Variants in NDRG1 observed in about 807,000 individuals in gnomAD.
The protein encoded by NDRG1 is N-myc downstream regulated 1.
A neutral mutation model predicts 56.9 loss-of-function variants in NDRG1; 32 were observed. The observed-to-expected ratio is 0.56, with a 90% CI of 0.42 to 0.76. NDRG1 has a LOEUF of 0.76. Ranked by LOEUF, NDRG1 falls within the 30% of genes least tolerant of loss-of-function variation. NDRG1 has a pLI of 0.00. For missense variants in NDRG1, 507 were observed against 545.7 expected (o/e 0.93, Z 0.71); for synonymous variants, 211 against 204.1 (o/e 1.03, Z -0.29).
intron 10 of NDRG1, among the ~76,000 whole-genome samples, chr8:133,249,018 G>C (rs1855861470): frequency 6.6e-6 from 1 of 152,140 alleles, no homozygotes; most frequent in Non-Finnish European, 1.5e-5. Flanking sequence ...AAATATTTGT[G>C]GGGCTTTTTT....
intron 1 of NDRG1, among the ~76,000 whole-genome samples, chr8:133,286,287 TGGAAAAC>T (rs1858109628): frequency 6.6e-6 from 1 of 152,214 alleles, no homozygotes; most frequent in Non-Finnish European, 1.5e-5. Flanking sequence ...GTGCAATGTC[TGGAAAAC>T]AAATTCTACA....
At chr8:133,244,428 A>G (rs778004549) in intron 13 of NDRG1, 38 bp from the exon 14 acceptor site, 3 of 1,613,870 alleles carry the variant, frequency 1.9e-6, no homozygotes, top group Non-Finnish European at 2.5e-6. Context: ...CAAACACCAC[A>G]GCCAAGGCCC....
chr8:133,244,297 GCA>G, intron 14 of NDRG1, 56 bp downstream of exon 14: 1 of 1,596,976 alleles, frequency 6.3e-7, no homozygotes, highest in South Asian at 1.1e-5. Context: ...AGAGGCACAT[GCA>G]CTCCACCCAG....
chr8:133,242,707 A>G (rs1405215519), intron 14 of NDRG1, among the ~76,000 whole-genome samples: 2 of 124,188 alleles, frequency 1.6e-5, no homozygotes, highest in East Asian at 4.9e-4. Context: ...GGATGGATGG[A>G]AAGAAGGAAG....
chr8:133,250,583 G>A (rs917875550), intron 9 of NDRG1, 40 bp from the exon 10 acceptor site: 4 of 1,532,448 alleles, frequency 2.6e-6, no homozygotes, highest in East Asian at 2.3e-5. Flanking sequence ...TCATCGCACT[G>A]TGGCCCTGAG....
At chr8:133,251,657 A>G (rs1251177252) in intron 9 of NDRG1, among the ~76,000 whole-genome samples, 2 of 152,218 alleles carry the variant, frequency 1.3e-5, no homozygotes, top group Non-Finnish European at 2.9e-5. Flanking sequence ...AATGTGTCAC[A>G]CGCTGTGGAA....
chr8:133,259,101 G>A lies in NDRG1; in HGVS notation c.389+67C>T, dbSNP rs1040788757. 21 of 1,541,372 alleles carry A rather than the reference G, an allele frequency of 1.4e-5. 1 individual carries two copies. The South Asian group carries it at 2.3e-4, about 17-fold the overall frequency. The stretch of plus-strand genomic sequence containing the variant: ...AGTGGTCAGTCCAGATCAAAGCCAA[G>A]GGGCAGGAAGATGCTAGAAACCAGG... On this transcript the variant is annotated intron_variant, in intron 6 of 15. Coordinates refer to ENST00000323851, the MANE Select transcript of NDRG1 (RefSeq NM_006096.4).
At chr8:133,254,194 G>A (rs760282628) in intron 9 of NDRG1, among the ~76,000 whole-genome samples, 10 of 152,190 alleles carry the variant, frequency 6.6e-5, no homozygotes, top group Non-Finnish European at 8.8e-5. Flanking sequence ...GGAGGGAGAG[G>A]AGGACTATCA....
chr8:133,238,933 T>G lies in NDRG1; in HGVS notation c.1130A>C (p.Asn377Thr). 6.4e-7 allele frequency: 1 copy of G among 1,567,040 alleles called. No individual in the cohort carries two copies. Among genetic ancestry groups the G allele is most frequent in the Non-Finnish European group, 8.6e-7 (1 of 1,156,850 alleles). ...SEGAHLDITP[N>T]SGAAGNSAGP... ...GGCGCTGTTCCCAGCAGCACCCGAG[T>G]TGGGGGTGATGTCCAGGTGGGCCCC... Residue 377 changes from asparagine to threonine, a missense_variant, in exon 16 of 16, where the codon AAC (asparagine) becomes ACC (threonine). Asn to Thr is a moderately conservative substitution (Grantham distance 65, BLOSUM62 0). Coordinates refer to ENST00000323851, the MANE Select transcript of NDRG1 (RefSeq NM_006096.4).
Position 133,238,570 on chromosome 8 carries a change from G to T in NDRG1, c.*308C>A. On this transcript the variant is annotated 3_prime_UTR_variant, in exon 16 of 16. Coordinates refer to ENST00000323851, the MANE Select transcript of NDRG1 (RefSeq NM_006096.4). ...GGCTTTGTGAAGTGTGTGCTGCTAC[G>T]CGTCTTGTTTTTGGCAGTTTGGTGT... 7 of 475,824 alleles carry T rather than the reference G, an allele frequency of 1.5e-5. No homozygotes were observed. Among genetic ancestry groups the T allele is most frequent in the Non-Finnish European group, 2.3e-5 (6 of 266,328 alleles). 29.5% of individuals were successfully genotyped at this position (475,824 alleles called of 1,614,324 possible). A position where few individuals can be genotyped will look rare whatever the true frequency, so the allele number is the denominator to read the frequency against.
chr8:133,276,589 T>C (rs896457954), intron 3 of NDRG1, among the ~76,000 whole-genome samples: 1 of 152,154 alleles, frequency 6.6e-6, no homozygotes, highest in African/African-American at 2.4e-5. Flanking sequence ...ATCTCATGGT[T>C]TTATAAAGAG....
At chr8:133,268,716 T>G (rs1857038853) in intron 3 of NDRG1, among the ~76,000 whole-genome samples, 1 of 152,106 alleles carries the variant, frequency 6.6e-6, no homozygotes, top group African/African-American at 2.4e-5. Context: ...ATTCGAACTC[T>G]CTCCGCTGGG....
At position 133,284,253 on chromosome 8, in the gene NDRG1, C is replaced by T. The variant is rs764493381; in HGVS notation, c.59G>A (p.Gly20Glu). Reference sequence around the variant, plus strand: ...GCCAGGAAGATCTCCACTCACCTCCCCTTTCTCCACCAAAGGCTTCACCTC... The same window carrying T: ...GCCAGGAAGATCTCCACTCACCTCCTCTTTCTCCACCAAAGGCTTCACCTC... ...LAEVKPLVEK[G>E]ETITGLLQEF... Residue 20 changes from glycine (G) to glutamate (E), a missense_variant, in exon 2 of 16, where the codon GGG becomes GAG. Transcript: ENST00000323851. 6.2e-7 allele frequency: 1 copy of T among 1,614,172 alleles called. No individual in the cohort carries two copies.
intron 8 of NDRG1, chr8:133,255,622 C>G: frequency 3.0e-6 from 1 of 337,618 alleles, no homozygotes; most frequent in South Asian, 2.3e-5. Flanking sequence ...TGTTCCACTC[C>G]AGAACGTCAT....
chr8:133,246,244 A>C (rs1433431994), intron 13 of NDRG1, among the ~76,000 whole-genome samples: 1 of 152,230 alleles, frequency 6.6e-6, no homozygotes, highest in Admixed American at 6.5e-5. Flanking sequence ...CTTGCTGGAC[A>C]AAGTCCTGAC....
chr8:133,244,076 G>A (rs1170707555), intron 14 of NDRG1, among the ~76,000 whole-genome samples: 1 of 152,140 alleles, frequency 6.6e-6, no homozygotes, highest in Non-Finnish European at 1.5e-5. Flanking sequence ...AGAAGCCCGT[G>A]GTCTTTGGGG....
rs754767167 is a variant in NDRG1 at position 133,238,981 on chromosome 8, C to T, written c.1082G>A (p.Arg361His). The change falls in exon 16 of 16, where the codon CGC (arginine) becomes CAC (histidine). Residue 361 changes from arginine to histidine, a missense_variant. Coordinates refer to ENST00000323851, the MANE Select transcript of NDRG1 (RefSeq NM_006096.4). The part of the protein sequence containing the change: ...RSRSHTSEGT[R>H]SRSHTSEGAH... ...CCCCTCGCTGGTGTGCGAGCGGCTG[C>T]GGGTGCCCTCGCTGGTGTGGGAGCG... 42 of 1,590,720 alleles carry T rather than the reference C, an allele frequency of 2.6e-5. No individual in the cohort carries two copies. Among genetic ancestry groups the T allele is most frequent in the Admixed American group, 3.6e-5 (2 of 56,204 alleles).
At chr8:133,281,262 C>G (rs1342598622) in intron 2 of NDRG1, among the ~76,000 whole-genome samples, 1 of 151,106 alleles carries the variant, frequency 6.6e-6, no homozygotes, top group African/African-American at 2.4e-5. Context: ...GAGGCTAAGG[C>G]AGGAGAATTC....
At chr8:133,244,846 G>A (rs914310996) in intron 13 of NDRG1, among the ~76,000 whole-genome samples, 1 of 152,180 alleles carries the variant, frequency 6.6e-6, no homozygotes, top group Non-Finnish European at 1.5e-5. Flanking sequence ...TCTTCAGGCC[G>A]GATTCAGCTG....
Sources: allele counts gnomAD v4.1 joint callset (sites outside exome capture counted in the v4.1 genomes callset), GRCh38; gene constraint gnomAD v4.1.1; transcripts MANE v1.5; gene names NCBI Gene and HGNC (gene_info 2026-07-23, HGNC 2026-07-21).